IPMK: variants seen among roughly 807,000 people sequenced by gnomAD.
The protein encoded by IPMK is inositol 1,3,4,6-tetrakisphosphate 5-kinase.
IPMK carries 17 observed loss-of-function variants against 45.8 expected under a neutral mutation model. The ratio of observed to expected loss-of-function variants is 0.37; its 90% CI spans 0.25 to 0.56. The LOEUF is 0.56. IPMK is among the 20% of genes least tolerant of loss of function. The pLI, the probability that IPMK is intolerant of heterozygous loss-of-function variation, is 0.79. For synonymous variants in IPMK, 180 were observed against 184.3 expected (o/e 0.98, Z 0.19); for missense variants, 399 against 498.0 (o/e 0.80, Z 1.89).
intron 4 of IPMK, among the ~76,000 whole-genome samples, chr10:58,207,698 T>C (rs773809681): frequency 1.3e-5 from 2 of 152,198 alleles, no homozygotes; most frequent in Admixed American, 6.5e-5. Flanking sequence ...AATTACTTTA[T>C]GAATTTAGGA....
intron 4 of IPMK, among the ~76,000 whole-genome samples, chr10:58,202,358 A>G (rs79784032): frequency 0.049 from 7,517 of 152,250 alleles, 448 homozygotes; most frequent in East Asian, 0.31. Context: ...ATACTCACTC[A>G]TTTGTCCTAG....
chr10:58,231,082 T>C (rs541511569), intron 2 of IPMK, among the ~76,000 whole-genome samples: 2 of 152,228 alleles, frequency 1.3e-5, no homozygotes, highest in Admixed American at 6.5e-5. Context: ...GTATTGGTGA[T>C]TGAAGAACAA....
chr10:58,200,097 A>G (rs551530221), intron 4 of IPMK, among the ~76,000 whole-genome samples: 1 of 152,280 alleles, frequency 6.6e-6, no homozygotes, highest in South Asian at 2.1e-4. Context: ...AACTAAAGTG[A>G]GATTATAATA....
At chr10:58,200,572 A>G (rs1837982581) in intron 4 of IPMK, among the ~76,000 whole-genome samples, 1 of 152,196 alleles carries the variant, frequency 6.6e-6, no homozygotes, top group Non-Finnish European at 1.5e-5. Context: ...AGAATCAAAC[A>G]TATGTGAGAA....
At chr10:58,202,860 C>T (rs1298850058) in intron 4 of IPMK, among the ~76,000 whole-genome samples, 4 of 152,108 alleles carry the variant, frequency 2.6e-5, no homozygotes, top group Admixed American at 2.6e-4. Flanking sequence ...TGATGATGTA[C>T]AAGGAGATTA....
chr10:58,233,681 A>G (rs543060971), intron 2 of IPMK, among the ~76,000 whole-genome samples: 1 of 152,258 alleles, frequency 6.6e-6, no homozygotes, highest in Non-Finnish European at 1.5e-5. Context: ...AAATAATAAG[A>G]GCTATTTATG....
chr10:58,213,282 C>T (rs1161048615), intron 4 of IPMK, among the ~76,000 whole-genome samples: 1 of 152,204 alleles, frequency 6.6e-6, no homozygotes, highest in African/African-American at 2.4e-5. Flanking sequence ...GATAAACATT[C>T]ATGAGTTATG....
chr10:58,206,035 A>T (rs527913845), intron 4 of IPMK, among the ~76,000 whole-genome samples: 2 of 152,332 alleles, frequency 1.3e-5, no homozygotes, highest in East Asian at 3.9e-4. Flanking sequence ...GTAGCCCAGA[A>T]GTAGAAACAA....
intron 1 of IPMK, among the ~76,000 whole-genome samples, chr10:58,258,293 A>T (rs1839003885): frequency 1.3e-5 from 2 of 149,220 alleles, no homozygotes; most frequent in East Asian, 3.9e-4. Flanking sequence ...CTGGCGACGG[A>T]GCGAGATTCC....
intron 3 of IPMK, among the ~76,000 whole-genome samples, chr10:58,224,769 C>A (rs2132157829): frequency 6.6e-6 from 1 of 152,226 alleles, no homozygotes; most frequent in African/African-American, 2.4e-5. Context: ...AGAACAAAAA[C>A]CAACAGGAAA....
chr10:58,248,687 C>T (rs562067763), intron 1 of IPMK, among the ~76,000 whole-genome samples: 2 of 152,332 alleles, frequency 1.3e-5, no homozygotes, highest in East Asian at 3.9e-4. Context: ...AACCTCTCTT[C>T]ATTCCTCCCA....
rs1441299534 is a variant in IPMK at position 58,192,657 on chromosome 10, C to A, written c.*3419G>T. On this transcript the variant is annotated 3_prime_UTR_variant, in exon 6 of 6. Transcript: ENST00000373935. ...ATCCGTTTGGTTCACAGTTGTAATACTGGGGGCTAAAAATGCTTAATACAT... is the reference window on the plus strand; with the variant it reads ...ATCCGTTTGGTTCACAGTTGTAATAATGGGGGCTAAAAATGCTTAATACAT... 2.0e-5 allele frequency: 3 copies of A among 151,888 alleles called. No individual in the cohort carries two copies. Among genetic ancestry groups the A allele is most frequent in the South Asian group, 2.1e-4 (1 of 4,822 alleles). 9.4% of individuals were successfully genotyped at this position (151,888 alleles called of 1,614,324 possible). A position where few individuals can be genotyped will look rare whatever the true frequency, so the allele number is the denominator to read the frequency against.
chr10:58,248,027 C>T (rs1237008646), intron 1 of IPMK, among the ~76,000 whole-genome samples: 1 of 151,940 alleles, frequency 6.6e-6, no homozygotes, highest in Non-Finnish European at 1.5e-5. Context: ...ATATTAAAAA[C>T]AAAGTCATCC....
rs1352307819 is a variant in IPMK, at chr10:58,192,627, G to A, written c.*3449C>T. Reference sequence around the variant, plus strand: ...AAAGAGAATGCTGAAAATGGTTAGGGCCTTATCCGTTTGGTTCACAGTTGT... The same window carrying A: ...AAAGAGAATGCTGAAAATGGTTAGGACCTTATCCGTTTGGTTCACAGTTGT... On this transcript the variant is annotated 3_prime_UTR_variant, in exon 6 of 6. Transcript: ENST00000373935. 1.3e-5 allele frequency: 2 copies of A among 151,834 alleles called. No individual in the cohort carries two copies. The highest frequency in any genetic ancestry group is 2.9e-5 in the Non-Finnish European group (2 of 67,864). 9.4% of individuals were successfully genotyped at this position (151,834 alleles called of 1,614,324 possible).
intron 2 of IPMK, among the ~76,000 whole-genome samples, chr10:58,233,006 C>T (rs952217207): frequency 2.0e-5 from 3 of 152,090 alleles, no homozygotes; most frequent in African/African-American, 7.2e-5. Flanking sequence ...CAACTGATCC[C>T]ACAGAAATAC....
intron 2 of IPMK, among the ~76,000 whole-genome samples, chr10:58,232,093 A>G (rs1250998237): frequency 1.3e-5 from 2 of 152,224 alleles, no homozygotes; most frequent in African/African-American, 4.8e-5. Flanking sequence ...GCCATTACAC[A>G]ATAGTAAAGG....
At chr10:58,213,870 T>C (rs560549210) in intron 4 of IPMK, among the ~76,000 whole-genome samples, 2 of 152,256 alleles carry the variant, frequency 1.3e-5, no homozygotes, top group African/African-American at 4.8e-5. Context: ...AAAAATGCCA[T>C]TTGGAATTAG....
chr10:58,218,256 C>A (rs1180069353), intron 3 of IPMK, among the ~76,000 whole-genome samples: 1 of 152,158 alleles, frequency 6.6e-6, no homozygotes, highest in Admixed American at 6.5e-5. Context: ...AAGATCTTGA[C>A]AGAGATATGA....
chr10:58,223,949 TG>T (rs147323534), intron 3 of IPMK, among the ~76,000 whole-genome samples: 7,524 of 152,300 alleles, frequency 0.049, 445 homozygotes, highest in East Asian at 0.31. Context: ...TGCAGAACTG[TG>T]AGTCGATTAA....
Sources: gnomAD v4.1 joint callset for allele counts (sites outside exome capture counted in the v4.1 genomes callset) on GRCh38, gnomAD v4.1.1 for gene constraint, MANE v1.5 for transcripts, NCBI Gene and HGNC (gene_info 2026-07-23, HGNC 2026-07-21) for gene names.